The following C1orf21 variants were observed in gnomAD, a reference collection of about 807,000 sequenced individuals.
C1orf21 encodes the protein uncharacterized protein C1orf21.
In C1orf21, 3 loss-of-function variants were observed where a neutral mutation model predicts 18.7. That is an observed-to-expected ratio of 0.16 (90% confidence interval 0.07 to 0.42). The LOEUF (loss-of-function observed/expected upper bound fraction) is 0.42. Among genes scored for constraint, C1orf21 ranks in the 10% least tolerant of loss-of-function variants. The pLI is 0.99. For synonymous variants in C1orf21, 41 were observed against 46.4 expected (o/e 0.88, Z 0.47); for missense variants, 104 against 143.6 (o/e 0.72, Z 1.41).
In C1orf21 at chr1:184,520,028, T is replaced by C. The variant is rs1394304824; in HGVS notation, c.189+12346T>C. Reference sequence around the variant, plus strand: ...GAGGGAGGAGGAATATTGTTTAGCTTGTCAACATTATAATAAGTATATGAA... The same window carrying C: ...GAGGGAGGAGGAATATTGTTTAGCTCGTCAACATTATAATAAGTATATGAA... On this transcript the variant is annotated intron_variant, in intron 3 of 5. Coordinates refer to ENST00000235307, the MANE Select transcript of C1orf21 (RefSeq NM_030806.4). Among the ~76,000 whole-genome samples the C allele has an allele frequency of 2.0e-5, 3 of 152,310 alleles. No individual in the cohort carries two copies. In the South Asian group the frequency reaches 6.2e-4, roughly 32 times the overall value.
At chr1:184,483,402 G>A (rs1657684504) in intron 2 of C1orf21, among the ~76,000 whole-genome samples, 1 of 152,198 alleles carries the variant, frequency 6.6e-6, no homozygotes, top group Non-Finnish European at 1.5e-5. Context: ...CCTTATTAGG[G>A]AAATTAATAC....
chr1:184,421,166 A>G (rs957076929), intron 1 of C1orf21, among the ~76,000 whole-genome samples: 6 of 152,162 alleles, frequency 3.9e-5, no homozygotes, highest in African/African-American at 1.4e-4. Context: ...TTACTCTGTC[A>G]CCCAGGCTGG....
intron 3 of C1orf21, among the ~76,000 whole-genome samples, chr1:184,555,254 C>A (rs1658862027): frequency 6.6e-6 from 1 of 152,162 alleles, no homozygotes; most frequent in South Asian, 2.1e-4. Context: ...CAGACATCTC[C>A]CCTCCATTTT....
chr1:184,450,268 C>T (rs1657102375), intron 1 of C1orf21, among the ~76,000 whole-genome samples: 1 of 152,130 alleles, frequency 6.6e-6, no homozygotes, highest in Non-Finnish European at 1.5e-5. Context: ...TGAATGCAGG[C>T]TTCTCAGGAG....
At chr1:184,445,343 C>CCTCTCTCTCT (rs57710614) in intron 1 of C1orf21, among the ~76,000 whole-genome samples, 3,209 of 134,770 alleles carry the variant, frequency 0.024, 102 homozygotes, top group African/African-American at 0.064. Flanking sequence ...TTTTTTCAGA[C>CCTCTCTCTCT]CTCTCTCTCT....
At chr1:184,455,977 A>C (rs376863632) in intron 1 of C1orf21, among the ~76,000 whole-genome samples, 5 of 152,316 alleles carry the variant, frequency 3.3e-5, no homozygotes, top group East Asian at 3.9e-4. Context: ...GTGAGTATAC[A>C]GTTGTAACTT....
At chr1:184,554,686 C>A (rs939647568) in intron 3 of C1orf21, among the ~76,000 whole-genome samples, 2 of 152,178 alleles carry the variant, frequency 1.3e-5, no homozygotes, top group African/African-American at 4.8e-5. Context: ...TCAAGGAAAT[C>A]TGTATAACAA....
At chr1:184,569,347 T>A (rs1659078661) in intron 3 of C1orf21, among the ~76,000 whole-genome samples, 1 of 152,178 alleles carries the variant, frequency 6.6e-6, no homozygotes, top group Admixed American at 6.5e-5. Flanking sequence ...CCATCATCAG[T>A]GGTCATTAAA....
chr1:184,594,167 A>G (rs1434063196), intron 4 of C1orf21, among the ~76,000 whole-genome samples: 2 of 152,214 alleles, frequency 1.3e-5, no homozygotes, highest in African/African-American at 4.8e-5. Context: ...TGCATGAACT[A>G]CTAGTAGGAG....
At chr1:184,449,554 G>A (rs1318658877) in intron 1 of C1orf21, among the ~76,000 whole-genome samples, 2 of 151,942 alleles carry the variant, frequency 1.3e-5, no homozygotes, top group Non-Finnish European at 2.9e-5. Context: ...TAATCCTTTG[G>A]GTATATACCC....
At chr1:184,492,964 G>T (rs1483768333) in intron 2 of C1orf21, among the ~76,000 whole-genome samples, 1 of 152,166 alleles carries the variant, frequency 6.6e-6, no homozygotes, top group Non-Finnish European at 1.5e-5. Context: ...CTGAGAGTGT[G>T]GTTTTGTTTA....
chr1:184,566,321 G>C (rs1252425632), intron 3 of C1orf21, among the ~76,000 whole-genome samples: 1 of 152,202 alleles, frequency 6.6e-6, no homozygotes, highest in East Asian at 1.9e-4. Context: ...TTGGTTTGCT[G>C]CCTCGATTTT....
chr1:184,598,306 C>T, intron 4 of C1orf21, 95 bp from the exon 5 acceptor site: 1 of 1,092,498 alleles, frequency 9.2e-7, no homozygotes, highest in Non-Finnish European at 1.3e-6. Flanking sequence ...AAATAAATGT[C>T]TTCCCCAAAG....
At chr1:184,597,592 C>T (rs1018469955) in intron 4 of C1orf21, among the ~76,000 whole-genome samples, 1 of 152,118 alleles carries the variant, frequency 6.6e-6, no homozygotes, top group Non-Finnish European at 1.5e-5. Flanking sequence ...TATCCAGCAT[C>T]CTTCACCTCC....
intron 3 of C1orf21, among the ~76,000 whole-genome samples, chr1:184,511,200 A>G (rs961076871): frequency 2.6e-5 from 4 of 152,200 alleles, no homozygotes; most frequent in African/African-American, 9.6e-5. Flanking sequence ...AGCTCAAAGT[A>G]TAGTACACAA....
intron 5 of C1orf21, among the ~76,000 whole-genome samples, chr1:184,618,255 T>C (rs1452846006): frequency 2.6e-5 from 4 of 152,212 alleles, no homozygotes; most frequent in African/African-American, 9.7e-5. Flanking sequence ...TGGGCACATA[T>C]ACATCATGTG....
intron 1 of C1orf21, among the ~76,000 whole-genome samples, chr1:184,471,871 T>C (rs1286036212): frequency 1.3e-5 from 2 of 152,212 alleles, no homozygotes; most frequent in Admixed American, 6.5e-5. Context: ...GAATGTGTTC[T>C]GTGATGCCAG....
intron 4 of C1orf21, among the ~76,000 whole-genome samples, chr1:184,594,677 T>G (rs1659489497): frequency 1.3e-5 from 2 of 152,198 alleles, no homozygotes; most frequent in South Asian, 4.1e-4. Context: ...TTCATCTCCT[T>G]CTTTCAGGAA....
At chr1:184,416,737 A>C (rs1481562347) in intron 1 of C1orf21, among the ~76,000 whole-genome samples, 1 of 152,228 alleles carries the variant, frequency 6.6e-6, no homozygotes, top group East Asian at 1.9e-4. Context: ...ATATATCTTC[A>C]AAGAATGATA....
Sources: gnomAD v4.1 joint callset for allele counts (sites outside exome capture counted in the v4.1 genomes callset) on GRCh38, gnomAD v4.1.1 for gene constraint, MANE v1.5 for transcripts, NCBI Gene and HGNC (gene_info 2026-07-23, HGNC 2026-07-21) for gene names.